Variants in THSD7B observed in about 807,000 individuals in gnomAD.
THSD7B encodes the protein thrombospondin type-1 domain-containing protein 7B.
Under a neutral mutation model 213.6 loss-of-function variants are expected in THSD7B, and 138 were observed. The observed-to-expected ratio is 0.65, with a 90% CI of 0.56 to 0.74. THSD7B has a LOEUF of 0.74. THSD7B is among the 30% of genes least tolerant of loss of function. The probability of loss-of-function intolerance (pLI) is 0.00; values close to 1 mark genes in which losing one functional copy is unlikely to be tolerated. For missense variants in THSD7B, 1,931 were observed against 1,991.5 expected (o/e 0.97, Z 0.58); for synonymous variants, 742 against 687.0 (o/e 1.08, Z -1.25).
intron 2 of THSD7B, among the ~76,000 whole-genome samples, chr2:136,947,462 AG>A (rs546416273): frequency 6.6e-6 from 1 of 152,250 alleles, no homozygotes; most frequent in South Asian, 2.1e-4. Context: ...AATGCCAGTC[AG>A]GGGTTGAGTT....
At chr2:137,293,680 T>C (rs1683392360) in intron 12 of THSD7B, among the ~76,000 whole-genome samples, 1 of 152,056 alleles carries the variant, frequency 6.6e-6, no homozygotes, top group South Asian at 2.1e-4. Flanking sequence ...CTCTGAAATT[T>C]TCCCAATTTT....
intron 15 of THSD7B, among the ~76,000 whole-genome samples, chr2:137,555,494 A>C (rs1680941452): frequency 6.6e-6 from 1 of 152,224 alleles, no homozygotes; most frequent in Non-Finnish European, 1.5e-5. Flanking sequence ...TGACTGTTAA[A>C]AGGAAAACTA....
intron 27 of THSD7B, among the ~76,000 whole-genome samples, chr2:137,674,838 G>A (rs939107602): frequency 3.9e-5 from 6 of 152,134 alleles, no homozygotes; most frequent in African/African-American, 1.4e-4. Context: ...GGGGGGCACT[G>A]AGAGAATCTG....
At chr2:136,881,948 A>T (rs1236787543) in intron 1 of THSD7B, among the ~76,000 whole-genome samples, 196 bp from the exon 2 acceptor site, 1 of 152,206 alleles carries the variant, frequency 6.6e-6, no homozygotes, top group Non-Finnish European at 1.5e-5. Context: ...ACTACAAAAA[A>T]TAATACAAAA....
At chr2:136,871,659 C>A (rs776231181) in intron 1 of THSD7B, among the ~76,000 whole-genome samples, 8 of 152,154 alleles carry the variant, frequency 5.3e-5, no homozygotes, top group Non-Finnish European at 1.2e-4. Flanking sequence ...ATCCATGATA[C>A]CTTCAGAATC....
At chr2:137,673,565 T>TTAC (rs1683627339) in intron 27 of THSD7B, among the ~76,000 whole-genome samples, 1 of 152,022 alleles carries the variant, frequency 6.6e-6, no homozygotes, top group Non-Finnish European at 1.5e-5. Flanking sequence ...AGAAATAAAC[T>TTAC]TACTTCTAAA....
intron 15 of THSD7B, among the ~76,000 whole-genome samples, chr2:137,527,503 A>C (rs1390840577): frequency 6.6e-6 from 1 of 152,160 alleles, no homozygotes; most frequent in African/African-American, 2.4e-5. Context: ...TTTTAGCTGA[A>C]CATTGTGGTT....
intron 2 of THSD7B, among the ~76,000 whole-genome samples, chr2:136,913,249 C>A (rs1207193355): frequency 4.6e-5 from 7 of 152,124 alleles, no homozygotes; most frequent in Admixed American, 3.9e-4. Context: ...TTTAGGGCAT[C>A]CGGTGGAAGA....
At chr2:137,274,802 A>G (rs914147831) in intron 11 of THSD7B, among the ~76,000 whole-genome samples, 2 of 152,092 alleles carry the variant, frequency 1.3e-5, no homozygotes, top group African/African-American at 4.8e-5. Context: ...ATGTATATCT[A>G]TGCATGTATA....
At chr2:136,792,415 A>G (rs1484062699) in intron 1 of THSD7B, among the ~76,000 whole-genome samples, 2 of 152,020 alleles carry the variant, frequency 1.3e-5, no homozygotes, top group East Asian at 1.9e-4. Flanking sequence ...CAGTGTGACT[A>G]TTGTGTATGA....
Position 137,231,038 on chromosome 2 carries a change from T to C in THSD7B, c.1724-6T>C. 6.2e-7 allele frequency: 1 copy of C among 1,612,200 alleles called. No individual in the cohort carries two copies. The highest frequency in any genetic ancestry group is 8.5e-7 in the Non-Finnish European group (1 of 1,179,310). ...TCACCAACTGTCTTGATCTTGTTGA[T>C]TGTAGGAGAAGATGTATCAGGGAGT... On this transcript the variant is annotated splice_polypyrimidine_tract_variant and splice_region_variant and intron_variant, in intron 7 of 27. Transcript: ENST00000409968.
rs563733076 is a variant in THSD7B at position 137,057,240 on chromosome 2, C to T, written c.950+10C>T. 2.5e-6 allele frequency: 4 copies of T among 1,572,448 alleles called. No homozygotes were observed. The East Asian group carries it at 9.0e-5, about 35-fold the overall frequency. ...AAAATGCTATGTTAAGGTAGGAGAC[C>T]TTTGATGCTTGAATTTGATTCACCT... On this transcript the variant is annotated intron_variant, in intron 3 of 27. Transcript: ENST00000409968.
At chr2:137,539,706 T>C (rs1380331100) in intron 15 of THSD7B, among the ~76,000 whole-genome samples, 1 of 151,758 alleles carries the variant, frequency 6.6e-6, no homozygotes, top group African/African-American at 2.4e-5. Flanking sequence ...TAGAAACTTT[T>C]TTTCTCTGAG....
At chr2:137,465,608 G>A (rs553649509) in intron 15 of THSD7B, among the ~76,000 whole-genome samples, 9 of 152,174 alleles carry the variant, frequency 5.9e-5, no homozygotes, top group South Asian at 4.2e-4. Context: ...CTAGAACAGG[G>A]GTCCTGACAC....
chr2:137,645,562 T>A (rs1683015273), intron 21 of THSD7B, among the ~76,000 whole-genome samples: 1 of 152,164 alleles, frequency 6.6e-6, no homozygotes, highest in Admixed American at 6.5e-5. Flanking sequence ...GAATATGGAC[T>A]GATCCCAAGA....
At chr2:137,057,351 T>C in intron 3 of THSD7B, 121 bp downstream of exon 3, 2 of 1,078,910 alleles carry the variant, frequency 1.9e-6, no homozygotes, top group Non-Finnish European at 2.6e-6. Flanking sequence ...ATTTAGGTTT[T>C]TAGAAGTTTC....
At chr2:137,229,483 T>A (rs1016665644) in intron 7 of THSD7B, among the ~76,000 whole-genome samples, 1 of 152,182 alleles carries the variant, frequency 6.6e-6, no homozygotes, top group Non-Finnish European at 1.5e-5. Flanking sequence ...TCTCATAATA[T>A]GCTTGAAAAG....
chr2:137,199,103 A>G lies in THSD7B; in HGVS notation c.1723+28165A>G, dbSNP rs1680824698. 2.0e-5 allele frequency among the ~76,000 whole-genome samples: 3 copies of G among 152,156 alleles called. No individual in the cohort carries two copies. In the South Asian group the frequency reaches 6.2e-4, roughly 32 times the overall value. On this transcript the variant is annotated intron_variant, in intron 7 of 27. Coordinates refer to ENST00000409968, the MANE Select transcript of THSD7B (RefSeq NM_001316349.2). The stretch of plus-strand genomic sequence containing the variant: ...GTGATCTGCAGTATAAATTGGGTAA[A>G]TAGTGGTGCTGCTCTCCCATTCTAC...
chr2:136,878,441 G>A (rs1256299840), intron 1 of THSD7B, among the ~76,000 whole-genome samples: 1 of 152,186 alleles, frequency 6.6e-6, no homozygotes, highest in Non-Finnish European at 1.5e-5. Context: ...CCAGTAATGG[G>A]ATGGCTGGGT....
Sources: allele counts gnomAD v4.1 joint callset (sites outside exome capture counted in the v4.1 genomes callset), GRCh38; gene constraint gnomAD v4.1.1; transcripts MANE v1.5; gene names NCBI Gene and HGNC (gene_info 2026-07-23, HGNC 2026-07-21).